Variants in AFF3 observed in about 807,000 individuals in gnomAD.
AFF3 encodes ALF transcription elongation factor 3, also known as AF4/FMR2 family member 3.
A neutral mutation model predicts 129.7 loss-of-function variants in AFF3; 32 were observed. The ratio of observed to expected loss-of-function variants is 0.25; its 90% CI spans 0.19 to 0.33. The LOEUF (loss-of-function observed/expected upper bound fraction) is 0.33. Among genes scored for constraint, AFF3 ranks in the 10% least tolerant of loss-of-function variants. The pLI is 1.00. For missense variants in AFF3, 1,373 were observed against 1,592.0 expected, an observed-to-expected ratio of 0.86 and a Z score of 2.34; for synonymous variants, 644 against 635.4, an observed-to-expected ratio of 1.01 and a Z score of -0.20.
intron 7 of AFF3, among the ~76,000 whole-genome samples, chr2:99,976,393 G>T (rs1437571997): frequency 6.6e-6 from 1 of 152,208 alleles, no homozygotes; most frequent in Non-Finnish European, 1.5e-5. Context: ...CAATGAAATT[G>T]TATGGCATCG....
chr2:99,776,530 C>T (rs2105352740), intron 8 of AFF3, among the ~76,000 whole-genome samples: 1 of 152,326 alleles, frequency 6.6e-6, no homozygotes, highest in East Asian at 1.9e-4. Flanking sequence ...TTTCCCCACT[C>T]TGTTTTATAA....
intron 7 of AFF3, among the ~76,000 whole-genome samples, chr2:99,877,113 C>G (rs1692359482): frequency 6.6e-6 from 1 of 152,120 alleles, no homozygotes; most frequent in Non-Finnish European, 1.5e-5. Flanking sequence ...TACACAGATT[C>G]TTGGGAAATT....
At chr2:99,823,938 G>A (rs751835105) in intron 8 of AFF3, among the ~76,000 whole-genome samples, 1 of 152,108 alleles carries the variant, frequency 6.6e-6, no homozygotes, top group Admixed American at 6.5e-5. Context: ...GATAGACACC[G>A]GGGACTACCA....
intron 7 of AFF3, among the ~76,000 whole-genome samples, chr2:99,916,392 T>C: frequency 6.6e-6 from 1 of 152,140 alleles, no homozygotes; most frequent in Non-Finnish European, 1.5e-5. Context: ...TTCTCCCTCA[T>C]CAGAATTTGA....
chr2:99,633,716 G>A (rs1417850580), intron 13 of AFF3, among the ~76,000 whole-genome samples: 1 of 151,936 alleles, frequency 6.6e-6, no homozygotes, highest in Non-Finnish European at 1.5e-5. Flanking sequence ...TAGTCCATGA[G>A]GGTGGGTTCT....
intron 7 of AFF3, among the ~76,000 whole-genome samples, chr2:99,840,536 A>T (rs193189454): frequency 1.6e-4 from 24 of 152,290 alleles, no homozygotes; most frequent in Admixed American, 1.4e-3. Context: ...AGCCAAGAAA[A>T]ATAGTGTTCA....
At chr2:100,068,218 T>C (rs111567058) in intron 4 of AFF3, among the ~76,000 whole-genome samples, 2,976 of 152,288 alleles carry the variant, frequency 0.02, 44 homozygotes, top group Middle Eastern at 0.051. Flanking sequence ...AATGATCTTT[T>C]TGACAAACAA....
In AFF3 at chr2:99,619,353, G is replaced by C. The variant is rs1575523239; in HGVS notation, c.1185-17732C>G. On this transcript the variant is annotated intron_variant, in intron 13 of 24. Coordinates refer to ENST00000672756, the MANE Select transcript of AFF3 (RefSeq NM_001386135.1). ...CCAAATTACAGCATCTGAGACACAG[G>C]CTTGTGGCCATATCAGCTCAAGCTG... 2.0e-5 allele frequency among the ~76,000 whole-genome samples: 3 copies of C among 152,364 alleles called. No homozygotes were observed. In the East Asian group the frequency reaches 5.8e-4, roughly 29 times the overall value.
rs1676797903 is a variant in AFF3 at position 99,957,694 on chromosome 2, G to A, written c.873+48938C>T. ...AGACAATAAACCACTGTCAGGCTGC[G>A]AAGGTCTGTAGAAGACAGAAGTCTG... On this transcript the variant is annotated intron_variant, in intron 7 of 24. Transcript: ENST00000672756. Among the ~76,000 whole-genome samples the A allele has an allele frequency of 2.0e-5, 3 of 152,200 alleles. 1 individual carries two copies. The highest frequency in any genetic ancestry group is 4.1e-4 in the South Asian group (2 of 4,834).
At chr2:99,586,751 C>T (rs1678159628) in intron 16 of AFF3, among the ~76,000 whole-genome samples, 1 of 152,140 alleles carries the variant, frequency 6.6e-6, no homozygotes, top group African/African-American at 2.4e-5. Flanking sequence ...CAATTAATTG[C>T]TTTAGGTGCT....
chr2:99,721,478 G>A (rs538748825), intron 11 of AFF3, among the ~76,000 whole-genome samples: 4 of 149,358 alleles, frequency 2.7e-5, no homozygotes, highest in African/African-American at 9.9e-5. Context: ...GCAGTGAGCT[G>A]AGATAGCACC....
chr2:100,037,300 T>C (rs904256905), intron 4 of AFF3, among the ~76,000 whole-genome samples: 5 of 150,186 alleles, frequency 3.3e-5, no homozygotes, highest in Admixed American at 2.7e-4. Flanking sequence ...AGTGAAAATG[T>C]AAGATTCAAA....
intron 18 of AFF3, among the ~76,000 whole-genome samples, chr2:99,570,817 A>G (rs1376165617): frequency 2.6e-5 from 4 of 152,228 alleles, no homozygotes; most frequent in Admixed American, 2.6e-4. Flanking sequence ...AGCTCTGCTC[A>G]TCACTTCCCC....
chr2:99,899,137 T>C (rs1320643665), intron 7 of AFF3, among the ~76,000 whole-genome samples: 1 of 152,198 alleles, frequency 6.6e-6, no homozygotes, highest in East Asian at 1.9e-4. Flanking sequence ...GAATGCAAAA[T>C]ACTGAATAGA....
At chr2:99,778,881 TGTGTGTGTGTGTGCGC>T (rs1378319106) in intron 8 of AFF3, among the ~76,000 whole-genome samples, 1 of 43,724 alleles carries the variant, frequency 2.3e-5, no homozygotes, top group African/African-American at 7.3e-5. Flanking sequence ...TGTGTGTGTG[TGTGTGTGTGTGTGCGC>T]GTGTGTGTGT....
intron 4 of AFF3, among the ~76,000 whole-genome samples, chr2:100,036,683 A>G (rs918153672): frequency 6.6e-6 from 1 of 152,008 alleles, no homozygotes. Flanking sequence ...GACATATAAG[A>G]GAAGGGGCAG....
At chr2:100,104,650 A>AGCGGCCGGCGCAC in intron 3 of AFF3, 132 bp from the exon 4 acceptor site, 1 of 744,238 alleles carries the variant, frequency 1.3e-6, no homozygotes, top group Non-Finnish European at 1.6e-6. Flanking sequence ...GGCTGGCTGC[A>AGCGGCCGGCGCAC]GCGGCCGGCG....
At chr2:99,654,028 C>T (rs888942575) in intron 12 of AFF3, among the ~76,000 whole-genome samples, 4 of 152,016 alleles carry the variant, frequency 2.6e-5, no homozygotes, top group African/African-American at 9.7e-5. Context: ...TACAGGCATG[C>T]GCCACCAAAC....
At chr2:99,690,188 A>G (rs1334215309) in intron 11 of AFF3, among the ~76,000 whole-genome samples, 1 of 138,888 alleles carries the variant, frequency 7.2e-6, no homozygotes, top group Non-Finnish European at 1.5e-5. Flanking sequence ...TATTATTATT[A>G]TTATTATTAT....
Sources: allele counts gnomAD v4.1 joint callset (sites outside exome capture counted in the v4.1 genomes callset), GRCh38; gene constraint gnomAD v4.1.1; transcripts MANE v1.5; gene names NCBI Gene and HGNC (gene_info 2026-07-23, HGNC 2026-07-21).